Variants in SGMS1 observed in about 807,000 individuals in gnomAD.
SGMS1 encodes phosphatidylcholine:ceramide cholinephosphotransferase 1.
In SGMS1, 13 loss-of-function variants were observed where a neutral mutation model predicts 46.2. That is an observed-to-expected ratio of 0.28 (90% CI 0.18 to 0.45). The LOEUF (loss-of-function observed/expected upper bound fraction) is 0.45. Among genes scored for constraint, SGMS1 ranks in the 20% least tolerant of loss-of-function variants. SGMS1 has a pLI of 1.00. For synonymous variants in SGMS1, 203 were observed against 187.8 expected (o/e 1.08, Z -0.66); for missense variants, 324 against 519.9 (o/e 0.62, Z 3.66).
intron 2 of SGMS1, among the ~76,000 whole-genome samples, chr10:50,576,600 T>A (rs567812477): frequency 6.6e-6 from 1 of 152,338 alleles, no homozygotes; most frequent in South Asian, 2.1e-4. Flanking sequence ...GCACGTGAAT[T>A]CTCAACCAGA....
chr10:50,574,963 GTATATATATATA>G (rs143713324), intron 2 of SGMS1, among the ~76,000 whole-genome samples: 1 of 99,864 alleles, frequency 1.0e-5, no homozygotes, highest in Admixed American at 1.2e-4. Flanking sequence ...AAAATGTGGT[GTATATATATATA>G]TATATATATA....
intron 1 of SGMS1, among the ~76,000 whole-genome samples, chr10:50,610,233 A>G (rs537867833): frequency 4.5e-4 from 68 of 152,152 alleles, no homozygotes; most frequent in African/African-American, 1.5e-3. Context: ...ACCCCCTTTT[A>G]CCTAGTCACT....
chr10:50,480,519 C>T (rs1040963805), intron 3 of SGMS1, among the ~76,000 whole-genome samples: 8 of 152,224 alleles, frequency 5.3e-5, no homozygotes, highest in African/African-American at 1.9e-4. Context: ...CCATGGCACA[C>T]CCAGGAGCTG....
chr10:50,320,364 C>T (rs1403968712), intron 8 of SGMS1, among the ~76,000 whole-genome samples: 2 of 152,180 alleles, frequency 1.3e-5, no homozygotes, highest in African/African-American at 4.8e-5. Flanking sequence ...GCAATTTTAT[C>T]CCACTCACTG....
intron 3 of SGMS1, among the ~76,000 whole-genome samples, chr10:50,508,749 G>A (rs1047256899): frequency 2.6e-5 from 4 of 152,160 alleles, no homozygotes; most frequent in Non-Finnish European, 1.5e-5. Context: ...TGTCGGTGAA[G>A]TTCTTAAGCC....
At chr10:50,532,455 A>G (rs1351589022) in intron 2 of SGMS1, among the ~76,000 whole-genome samples, 2 of 152,188 alleles carry the variant, frequency 1.3e-5, no homozygotes, top group Non-Finnish European at 2.9e-5. Context: ...TTTTAATATT[A>G]GAAGTGTTTT....
intron 3 of SGMS1, among the ~76,000 whole-genome samples, chr10:50,508,258 A>G (rs1837724239): frequency 6.6e-6 from 1 of 152,216 alleles, no homozygotes; most frequent in Non-Finnish European, 1.5e-5. Flanking sequence ...CCATTTTGGC[A>G]TGCTAACCAC....
In SGMS1 at chr10:50,573,539, G is replaced by A. The variant is rs138572273; in HGVS notation, c.-589+16614C>T. Among the ~76,000 whole-genome samples the A allele has an allele frequency of 2.7e-3, 418 of 152,216 alleles. 1 individual carries two copies. Among genetic ancestry groups the A allele is most frequent in the Non-Finnish European group, 4.4e-3 (298 of 67,980 alleles). On this transcript the variant is annotated intron_variant, in intron 2 of 10. Transcript: ENST00000361781. ...CTTTGCTCATAAATGTAAAGATTTC[G>A]TGTATTCATGGATAGGAAGAATTAA...
intron 2 of SGMS1, among the ~76,000 whole-genome samples, chr10:50,521,471 TTAATC>T (rs1316807718): frequency 6.6e-6 from 1 of 152,186 alleles, no homozygotes; most frequent in Non-Finnish European, 1.5e-5. Flanking sequence ...ATATAATAGT[TTAATC>T]TACTGCCATA....
chr10:50,588,783 G>A (rs999477694), intron 2 of SGMS1, among the ~76,000 whole-genome samples: 2 of 136,418 alleles, frequency 1.5e-5, no homozygotes, highest in East Asian at 2.3e-4. Flanking sequence ...AGACTGGAGT[G>A]CAGAGGCGTG....
chr10:50,510,242 C>T (rs1837742047), intron 3 of SGMS1, among the ~76,000 whole-genome samples: 1 of 152,138 alleles, frequency 6.6e-6, no homozygotes, highest in African/African-American at 2.4e-5. Flanking sequence ...TATTGATGAA[C>T]AGTATTCCAT....
chr10:50,454,464 A>C (rs1837165295), intron 5 of SGMS1, among the ~76,000 whole-genome samples: 2 of 152,134 alleles, frequency 1.3e-5, no homozygotes, highest in Admixed American at 1.3e-4. Context: ...GAGAAAAAGG[A>C]CATTATATAT....
At chr10:50,473,471 A>G (rs1837395923) in intron 3 of SGMS1, among the ~76,000 whole-genome samples, 1 of 152,238 alleles carries the variant, frequency 6.6e-6, no homozygotes, top group Non-Finnish European at 1.5e-5. Flanking sequence ...AAAAGTCAAC[A>G]TGAATTGTCA....
intron 3 of SGMS1, among the ~76,000 whole-genome samples, chr10:50,494,285 T>G (rs904711390): frequency 6.6e-6 from 1 of 152,104 alleles, no homozygotes; most frequent in Non-Finnish European, 1.5e-5. Flanking sequence ...TGGGTATACA[T>G]TCAAAAAATA....
intron 2 of SGMS1, among the ~76,000 whole-genome samples, chr10:50,565,230 C>T (rs1192427947): frequency 6.6e-6 from 1 of 152,098 alleles, no homozygotes; most frequent in African/African-American, 2.4e-5. Flanking sequence ...GGGCTTAGTA[C>T]ACAGTGTCTT....
upstream of SGMS1, chr10:50,625,036 C>T (rs1042924912): frequency 3.0e-6 from 3 of 1,003,116 alleles, no homozygotes; most frequent in African/African-American, 1.7e-5. Flanking sequence ...GCCCTCCCAT[C>T]GGGCTTTGGG....
chr10:50,349,986 A>C (rs184411108), intron 6 of SGMS1, among the ~76,000 whole-genome samples: 1 of 152,366 alleles, frequency 6.6e-6, no homozygotes, highest in East Asian at 1.9e-4. Context: ...AGGCTGGAAC[A>C]GTTTGGAGGG....
intron 6 of SGMS1, among the ~76,000 whole-genome samples, chr10:50,369,575 C>T (rs1405288337): frequency 6.7e-6 from 1 of 149,616 alleles, no homozygotes; most frequent in Non-Finnish European, 1.5e-5. Context: ...AACAAAAAAT[C>T]CCATCAACAA....
At chr10:50,322,191 C>T (rs1335976273) in intron 8 of SGMS1, among the ~76,000 whole-genome samples, 1 of 152,180 alleles carries the variant, frequency 6.6e-6, no homozygotes, top group Non-Finnish European at 1.5e-5. Flanking sequence ...TGGATTAATG[C>T]ACTAGCCAGC....
Sources: allele counts gnomAD v4.1 joint callset (sites outside exome capture counted in the v4.1 genomes callset), GRCh38; gene constraint gnomAD v4.1.1; transcripts MANE v1.5; gene names NCBI Gene and HGNC (gene_info 2026-07-23, HGNC 2026-07-21).